The following CSNK1G3 variants were observed in gnomAD, a reference collection of about 807,000 sequenced individuals.
CSNK1G3 encodes the protein casein kinase I isoform gamma-3.
A neutral mutation model predicts 64.3 loss-of-function variants in CSNK1G3; 23 were observed. That is an observed-to-expected ratio of 0.36 (90% CI 0.26 to 0.51). The LOEUF (loss-of-function observed/expected upper bound fraction) is 0.51, where lower values mean the gene tolerates loss of function less well. Ranked by LOEUF, CSNK1G3 falls within the 20% of genes least tolerant of loss-of-function variation. CSNK1G3 has a pLI of 0.96. For synonymous variants in CSNK1G3, 158 were observed against 162.2 expected, an observed-to-expected ratio of 0.97 and a Z score of 0.20; for missense variants, 357 against 510.5, an observed-to-expected ratio of 0.70 and a Z score of 2.90.
intron 1 of CSNK1G3, 135 bp downstream of exon 1, chr5:123,512,705 C>T (rs1776416222): frequency 6.8e-6 from 1 of 148,010 alleles, no homozygotes; most frequent in Admixed American, 6.7e-5. Flanking sequence ...GGGGCGGCGC[C>T]GCAGGCGCGG....
chr5:123,514,269 C>G (rs569327357), intron 1 of CSNK1G3, among the ~76,000 whole-genome samples: 3 of 152,312 alleles, frequency 2.0e-5, no homozygotes, highest in Non-Finnish European at 4.4e-5. Context: ...CATCCACCCC[C>G]TTCTGCCATT....
chr5:123,554,320 C>G (rs1784219983), intron 3 of CSNK1G3, among the ~76,000 whole-genome samples: 1 of 152,154 alleles, frequency 6.6e-6, no homozygotes, highest in Admixed American at 6.5e-5. Context: ...TAGGTTATCT[C>G]ACCAGTTGTC....
chr5:123,607,954 G>C (rs1259751047), intron 12 of CSNK1G3, among the ~76,000 whole-genome samples: 1 of 152,018 alleles, frequency 6.6e-6, no homozygotes, highest in African/African-American at 2.4e-5. Context: ...TAAGAAATTT[G>C]AGCATGATTT....
exon 1 of CSNK1G3, chr5:123,512,564 C>G (rs1776368204): frequency 6.6e-6 from 1 of 151,456 alleles, no homozygotes. Flanking sequence ...GCGGCCGCGC[C>G]TTTGAGGTAA....
chr5:123,611,140 T>A (rs976933592), intron 12 of CSNK1G3, among the ~76,000 whole-genome samples: 11 of 152,234 alleles, frequency 7.2e-5, no homozygotes, highest in African/African-American at 2.7e-4. Context: ...TCTCTAAGAC[T>A]ATAAATTAGC....
exon 5 of CSNK1G3, chr5:123,573,398 A>G (rs759381081): frequency 4.3e-6 from 7 of 1,613,624 alleles, no homozygotes; most frequent in African/African-American, 4.0e-5. Flanking sequence ...CCCAGATGGT[A>G]TACCTCAAGT....
intron 6 of CSNK1G3, among the ~76,000 whole-genome samples, chr5:123,581,838 A>C (rs1015193914): frequency 6.6e-6 from 1 of 151,956 alleles, no homozygotes; most frequent in African/African-American, 2.4e-5. Flanking sequence ...AAATATAGTG[A>C]ACCTTTTCTT....
At chr5:123,577,201 T>C (rs1381597567) in intron 6 of CSNK1G3, among the ~76,000 whole-genome samples, 1 of 152,090 alleles carries the variant, frequency 6.6e-6, no homozygotes, top group Non-Finnish European at 1.5e-5. Context: ...GTTTCTCTTC[T>C]GCAGCCCCAT....
At chr5:123,600,624 CAAAA>C (rs561994777) in intron 10 of CSNK1G3, among the ~76,000 whole-genome samples, 3 of 84,250 alleles carry the variant, frequency 3.6e-5, no homozygotes, top group Non-Finnish European at 5.0e-5. Flanking sequence ...GATGCCATTT[CAAAA>C]AAAAAAAAAA....
At chr5:123,545,518 C>T in exon 2 of CSNK1G3, 2 of 575,936 alleles carry the variant, frequency 3.5e-6, no homozygotes, top group Non-Finnish European at 5.9e-6. Context: ...TGAACATGCT[C>T]CAGTTAATTG....
At chr5:123,534,276 C>T (rs555816383) in intron 1 of CSNK1G3, among the ~76,000 whole-genome samples, 2 of 152,134 alleles carry the variant, frequency 1.3e-5, no homozygotes, top group South Asian at 4.1e-4. Flanking sequence ...AAGTGTCTTG[C>T]TCAATGCTGT....
At chr5:123,595,182 C>G (rs1793193768) in intron 10 of CSNK1G3, 48 bp downstream of exon 11, 1 of 1,543,122 alleles carries the variant, frequency 6.5e-7, no homozygotes. Flanking sequence ...ATTTATACAA[C>G]TAACCCTTTT....
intron 5 of CSNK1G3, among the ~76,000 whole-genome samples, chr5:123,575,092 A>C (rs1238816026): frequency 6.6e-6 from 1 of 152,176 alleles, no homozygotes; most frequent in Non-Finnish European, 1.5e-5. Flanking sequence ...TTGTACAATG[A>C]ACATTGAGAA....
At chr5:123,530,191 G>A (rs1779702339) in intron 1 of CSNK1G3, among the ~76,000 whole-genome samples, 1 of 152,024 alleles carries the variant, frequency 6.6e-6, no homozygotes, top group Non-Finnish European at 1.5e-5. Flanking sequence ...ATTCACTTGT[G>A]AAATTGAGAA....
intron 4 of CSNK1G3, among the ~76,000 whole-genome samples, chr5:123,562,838 A>T (rs1029878182): frequency 1.3e-5 from 2 of 152,056 alleles, no homozygotes; most frequent in African/African-American, 4.8e-5. Flanking sequence ...CAACTCAGCC[A>T]TCTAAAATTA....
chr5:123,533,509 T>C (rs1442209604), intron 1 of CSNK1G3, among the ~76,000 whole-genome samples: 1 of 151,816 alleles, frequency 6.6e-6, no homozygotes, highest in Non-Finnish European at 1.5e-5. Flanking sequence ...ATGATTTCTT[T>C]TTCTTAATTT....
At chr5:123,514,080 A>G (rs1221270791) in intron 1 of CSNK1G3, among the ~76,000 whole-genome samples, 1 of 152,248 alleles carries the variant, frequency 6.6e-6, no homozygotes, top group East Asian at 1.9e-4. Context: ...GCTTTGACAT[A>G]CATTCTTAGC....
At chr5:123,553,941 A>T (rs1030404334) in intron 3 of CSNK1G3, among the ~76,000 whole-genome samples, 7 of 152,046 alleles carry the variant, frequency 4.6e-5, no homozygotes, top group African/African-American at 1.4e-4. Context: ...ATATACATAC[A>T]CATATATGTA....
chr5:123,526,910 T>C (rs1227275511), intron 1 of CSNK1G3, among the ~76,000 whole-genome samples: 1 of 151,352 alleles, frequency 6.6e-6, no homozygotes, highest in East Asian at 1.9e-4. Flanking sequence ...TCCTTGAGTA[T>C]GATCCTAAAG....
Sources: gnomAD v4.1 joint callset for allele counts (sites outside exome capture counted in the v4.1 genomes callset) on GRCh38, gnomAD v4.1.1 for gene constraint, MANE v1.5 for transcripts, NCBI Gene and HGNC (gene_info 2026-07-23, HGNC 2026-07-21) for gene names.